PCDH9: variants seen among roughly 807,000 people sequenced by gnomAD.
The protein encoded by PCDH9 is protocadherin-9.
Under a neutral mutation model 70.6 loss-of-function variants are expected in PCDH9, and 24 were observed. That is an observed-to-expected ratio of 0.34 (90% CI 0.25 to 0.48). The LOEUF (loss-of-function observed/expected upper bound fraction) is 0.48. PCDH9 is among the 20% of genes least tolerant of loss of function. The pLI is 0.99. For synonymous variants in PCDH9, 562 were observed against 558.5 expected, an observed-to-expected ratio of 1.01 and a Z score of -0.09; for missense variants, 1,281 against 1,503.6, an observed-to-expected ratio of 0.85 and a Z score of 2.45.
chr13:66,360,638 G>T (rs2138192285), intron 4 of PCDH9, among the ~76,000 whole-genome samples: 1 of 152,196 alleles, frequency 6.6e-6, no homozygotes, highest in South Asian at 2.1e-4. Context: ...TGTGGCTTGA[G>T]TCTATTGTAT....
intron 4 of PCDH9, among the ~76,000 whole-genome samples, chr13:66,509,438 C>T (rs1468820551): frequency 6.6e-6 from 1 of 152,128 alleles, no homozygotes; most frequent in Non-Finnish European, 1.5e-5. Flanking sequence ...AGAGTAAACA[C>T]ATTTGCAAAC....
intron 3 of PCDH9, among the ~76,000 whole-genome samples, chr13:66,795,757 C>T (rs2080230751): frequency 6.6e-6 from 1 of 152,124 alleles, no homozygotes; most frequent in African/African-American, 2.4e-5. Context: ...TAAAGCAGCT[C>T]ATTACAGATG....
At chr13:67,035,289 G>A (rs190719603) in intron 2 of PCDH9, among the ~76,000 whole-genome samples, 1 of 152,138 alleles carries the variant, frequency 6.6e-6, no homozygotes, top group Admixed American at 6.5e-5. Flanking sequence ...TTTGGATGTG[G>A]TGCATATAGC....
At chr13:67,113,223 G>A (rs1473151854) in intron 2 of PCDH9, among the ~76,000 whole-genome samples, 1 of 152,144 alleles carries the variant, frequency 6.6e-6, no homozygotes, top group African/African-American at 2.4e-5. Flanking sequence ...AAAAAGTATA[G>A]TGGGAGAGTA....
intron 2 of PCDH9, among the ~76,000 whole-genome samples, chr13:66,991,352 T>A (rs1307425821): frequency 1.3e-5 from 2 of 152,018 alleles, no homozygotes; most frequent in East Asian, 3.9e-4. Flanking sequence ...TGATCATGTA[T>A]GTCAAGATGA....
chr13:67,086,127 G>C (rs1041106759), intron 2 of PCDH9, among the ~76,000 whole-genome samples: 5 of 152,076 alleles, frequency 3.3e-5, no homozygotes, highest in African/African-American at 1.2e-4. Context: ...TTTGCTTTTA[G>C]ATAAAGAATC....
intron 2 of PCDH9, among the ~76,000 whole-genome samples, chr13:67,188,416 A>G (rs1446530201): frequency 6.6e-6 from 1 of 152,132 alleles, no homozygotes. Context: ...GCTTTTATTT[A>G]TGAAATCATA....
chr13:66,841,328 C>A (rs1334829591), intron 3 of PCDH9, among the ~76,000 whole-genome samples: 3 of 152,140 alleles, frequency 2.0e-5, no homozygotes, highest in African/African-American at 7.2e-5. Context: ...ACTATGTGTA[C>A]TCCATGAAAA....
intron 3 of PCDH9, among the ~76,000 whole-genome samples, chr13:66,893,310 C>G (rs1184189748): frequency 6.6e-6 from 1 of 152,222 alleles, no homozygotes; most frequent in African/African-American, 2.4e-5. Context: ...TTAAGTAAAA[C>G]AGTATTGTAT....
At chr13:66,893,061 G>T (rs1192587576) in intron 3 of PCDH9, among the ~76,000 whole-genome samples, 1 of 152,042 alleles carries the variant, frequency 6.6e-6, no homozygotes, top group Non-Finnish European at 1.5e-5. Flanking sequence ...TGTGTTCTTT[G>T]AGTATCATTT....
At chr13:66,359,593 C>A (rs375599490) in intron 4 of PCDH9, among the ~76,000 whole-genome samples, 1 of 151,942 alleles carries the variant, frequency 6.6e-6, no homozygotes, top group African/African-American at 2.4e-5. Context: ...TCCATCCTGT[C>A]GGCACAGAAA....
chr13:67,147,943 A>G (rs1373719673), intron 2 of PCDH9, among the ~76,000 whole-genome samples: 1 of 152,146 alleles, frequency 6.6e-6, no homozygotes, highest in Admixed American at 6.6e-5. Flanking sequence ...TAAAACTATC[A>G]TATCCTTAAA....
At chr13:66,337,322 G>T (rs1452417531) in intron 4 of PCDH9, among the ~76,000 whole-genome samples, 1 of 151,734 alleles carries the variant, frequency 6.6e-6, no homozygotes, top group African/African-American at 2.4e-5. Context: ...TATTTTATTT[G>T]GTCTTTGGAG....
chr13:66,534,535 A>G (rs1360788290), intron 4 of PCDH9, among the ~76,000 whole-genome samples: 2 of 152,110 alleles, frequency 1.3e-5, no homozygotes, highest in African/African-American at 4.8e-5. Context: ...CCCCAATCTC[A>G]ATATGTAATT....
intron 2 of PCDH9, among the ~76,000 whole-genome samples, chr13:66,949,510 G>C (rs1207408015): frequency 1.3e-5 from 2 of 151,882 alleles, no homozygotes; most frequent in Admixed American, 1.3e-4. Context: ...AAATGGAGTA[G>C]GCAGCTTATG....
At chr13:66,957,474 C>A (rs2083281926) in intron 2 of PCDH9, among the ~76,000 whole-genome samples, 1 of 152,146 alleles carries the variant, frequency 6.6e-6, no homozygotes, top group African/African-American at 2.4e-5. Context: ...AAAACAGGTT[C>A]TCTCCTAAAG....
intron 2 of PCDH9, among the ~76,000 whole-genome samples, chr13:67,148,698 C>T (rs1163831060): frequency 6.6e-6 from 1 of 152,028 alleles, no homozygotes; most frequent in South Asian, 2.1e-4. Flanking sequence ...GTTCTTTACA[C>T]ATGTCATAAA....
At chr13:66,307,642 GTT>G (rs1446679376) in intron 4 of PCDH9, among the ~76,000 whole-genome samples, 1 of 151,930 alleles carries the variant, frequency 6.6e-6, no homozygotes, top group African/African-American at 2.4e-5. Context: ...TCATTAATAA[GTT>G]TTTTATTGTT....
chr13:66,737,974 C>G (rs970652351), intron 3 of PCDH9, among the ~76,000 whole-genome samples: 2 of 152,160 alleles, frequency 1.3e-5, no homozygotes, highest in African/African-American at 4.8e-5. Context: ...CCAGGAAGCT[C>G]GAACTGGGTG....
Sources: gnomAD v4.1 joint callset for allele counts (sites outside exome capture counted in the v4.1 genomes callset) on GRCh38, gnomAD v4.1.1 for gene constraint, MANE v1.5 for transcripts, NCBI Gene and HGNC (gene_info 2026-07-23, HGNC 2026-07-21) for gene names.